The following ANO3 variants were observed in gnomAD, a reference collection of about 807,000 sequenced individuals.
ANO3 encodes anoctamin-3.
In ANO3, 99 loss-of-function variants were observed where a neutral mutation model predicts 144.8. The observed-to-expected ratio is 0.68, with a 90% CI of 0.58 to 0.81. ANO3 has a LOEUF of 0.81. Ranked by LOEUF, ANO3 falls within the 30% of genes least tolerant of loss-of-function variation. ANO3 has a pLI of 0.00. For synonymous variants in ANO3, 414 were observed against 392.6 expected, an observed-to-expected ratio of 1.05 and a Z score of -0.64; for missense variants, 905 against 1,202.2, an observed-to-expected ratio of 0.75 and a Z score of 3.66.
intron 1 of ANO3, among the ~76,000 whole-genome samples, chr11:26,251,206 TC>T (rs1475477423): frequency 6.6e-6 from 1 of 152,184 alleles, no homozygotes; most frequent in African/African-American, 2.4e-5. Flanking sequence ...CACTTTTTTT[TC>T]CATGAAATTT....
chr11:26,417,330 A>C (rs1416569403), intron 1 of ANO3, among the ~76,000 whole-genome samples: 1 of 152,148 alleles, frequency 6.6e-6, no homozygotes, highest in Non-Finnish European at 1.5e-5. Context: ...GACATCTACA[A>C]AATGGAATTT....
intron 1 of ANO3, among the ~76,000 whole-genome samples, chr11:26,417,071 C>T (rs1857611003): frequency 6.6e-6 from 1 of 152,056 alleles, no homozygotes; most frequent in Non-Finnish European, 1.5e-5. Flanking sequence ...CTATTGGATT[C>T]ATTCTCTAGA....
intron 12 of ANO3, 129 bp from the exon 13 acceptor site, chr11:26,553,120 T>A: frequency 3.0e-6 from 2 of 672,422 alleles, no homozygotes; most frequent in South Asian, 3.6e-5. Context: ...CTCCCCACTA[T>A]TCCCATTTCT....
At chr11:26,392,931 C>T (rs1393177145) in intron 1 of ANO3, among the ~76,000 whole-genome samples, 3 of 152,036 alleles carry the variant, frequency 2.0e-5, no homozygotes, top group Non-Finnish European at 4.4e-5. Context: ...ATGGATGGTT[C>T]TGTAATTTAA....
intron 4 of ANO3, among the ~76,000 whole-genome samples, chr11:26,490,915 G>A (rs1354293664): frequency 6.6e-6 from 1 of 152,162 alleles, no homozygotes; most frequent in Non-Finnish European, 1.5e-5. Context: ...GAATCTGTTT[G>A]CTTTTTCATT....
rs563617229 is a variant in ANO3 at position 26,311,932 on chromosome 11, G to A, written c.-3+2213G>A. On this transcript the variant is annotated intron_variant, in intron 1 of 26. Coordinates refer to the ANO3 transcript ENST00000525139. Reference sequence around the variant, plus strand: ...TGTTAAATACGTATACATGTGCCACGTTGGTGTGCTGCACCCATTAACTGG... The same window carrying A: ...TGTTAAATACGTATACATGTGCCACATTGGTGTGCTGCACCCATTAACTGG... 1.1e-4 allele frequency among the ~76,000 whole-genome samples: 17 copies of A among 152,284 alleles called. No homozygotes were observed. The South Asian group carries it at 3.1e-3, about 28-fold the overall frequency.
At position 26,444,206 on chromosome 11, in the gene ANO3, A is replaced by G. The variant is rs374659715; in HGVS notation, c.313+370A>G. 8.7e-4 allele frequency among the ~76,000 whole-genome samples: 133 copies of G among 152,316 alleles called. 1 individual carries two copies. In the South Asian group the frequency reaches 0.027, roughly 31 times the overall value. ...TCCTGGCCCATCATTAGTGGATACT[A>G]TAAATTTTATTTATTTTTCCTATAA... On this transcript the variant is annotated intron_variant, in intron 3 of 26. Transcript: ENST00000256737.
intron 6 of ANO3, among the ~76,000 whole-genome samples, chr11:26,522,384 A>T (rs1231877764): frequency 2.0e-5 from 3 of 152,178 alleles, no homozygotes; most frequent in African/African-American, 7.2e-5. Flanking sequence ...ACTTAGTCCC[A>T]CAGGCATCTC....
chr11:26,525,608 C>T (rs1336488178), intron 6 of ANO3, 27 bp from the exon 7 acceptor site: 3 of 1,597,874 alleles, frequency 1.9e-6, no homozygotes, highest in African/African-American at 2.7e-5. Flanking sequence ...TGTGGCTTTC[C>T]TTAGCTGTTT....
At chr11:26,552,007 T>C (rs1299141387) in intron 12 of ANO3, among the ~76,000 whole-genome samples, 4 of 152,002 alleles carry the variant, frequency 2.6e-5, no homozygotes, top group Non-Finnish European at 4.4e-5. Context: ...CTTTTAGATA[T>C]AGTTGATGGA....
intron 3 of ANO3, among the ~76,000 whole-genome samples, chr11:26,445,038 CAGA>C (rs1280645807): frequency 6.6e-6 from 1 of 151,970 alleles, no homozygotes; most frequent in African/African-American, 2.4e-5. Context: ...TTCTTGAGAC[CAGA>C]AGTATTTCAG....
At chr11:26,558,728 G>T (rs1337988171) in intron 13 of ANO3, among the ~76,000 whole-genome samples, 1 of 151,994 alleles carries the variant, frequency 6.6e-6, no homozygotes, top group Non-Finnish European at 1.5e-5. Context: ...CATATATTTT[G>T]CAGTGTGTTC....
At chr11:26,427,036 G>T (rs1857939560) in intron 1 of ANO3, 1 of 157,276 alleles carries the variant, frequency 6.4e-6, no homozygotes, top group Admixed American at 6.4e-5. Flanking sequence ...ATGGCCCAAA[G>T]GAGCCCTGTG....
chr11:26,467,350 C>A (rs1455003525), intron 4 of ANO3, among the ~76,000 whole-genome samples: 1 of 151,936 alleles, frequency 6.6e-6, no homozygotes, highest in Non-Finnish European at 1.5e-5. Context: ...ACTATAGTCA[C>A]CCTATTGTGC....
At chr11:26,251,233 T>C (rs750599574) in intron 1 of ANO3, among the ~76,000 whole-genome samples, 2 of 152,100 alleles carry the variant, frequency 1.3e-5, no homozygotes, top group Non-Finnish European at 1.5e-5. Context: ...ACAACCCCTA[T>C]GTATATTCAA....
chr11:26,535,221 G>A (rs1849474032), intron 9 of ANO3, among the ~76,000 whole-genome samples: 1 of 152,168 alleles, frequency 6.6e-6, no homozygotes, highest in African/African-American at 2.4e-5. Flanking sequence ...GTTACCTCTG[G>A]AAGGTGAAAT....
chr11:26,447,639 A>G (rs931618239), intron 3 of ANO3, among the ~76,000 whole-genome samples: 2 of 152,228 alleles, frequency 1.3e-5, no homozygotes, highest in African/African-American at 4.8e-5. Flanking sequence ...GATTAGTTAG[A>G]AAGCTAATTG....
chr11:26,615,415 T>TA (rs1491318574), intron 17 of ANO3, among the ~76,000 whole-genome samples: 2,010 of 55,372 alleles, frequency 0.036, 28 homozygotes, highest in African/African-American at 0.062. Context: ...TATATATATA[T>TA]TTTTTTTTTT....
chr11:26,289,579 T>G lies in ANO3; in HGVS notation c.155-20066T>G, dbSNP rs564385935. ...GTGTATATGTACATATACACATATA[T>G]CCTATATGTGTGTATATGTACATAT... On this transcript the variant is annotated intron_variant, in intron 1 of 27. Transcript: ENST00000672621. Among the ~76,000 whole-genome samples, 7 of 115,538 alleles carry G rather than the reference T, an allele frequency of 6.1e-5. 1 individual carries two copies. The highest frequency in any genetic ancestry group is 1.2e-4 in the Non-Finnish European group (7 of 59,152). The allele number at this position is 115,538 out of a possible 152,430, so 75.8% of individuals were successfully genotyped here. A position where few individuals can be genotyped will look rare whatever the true frequency, so the allele number is the denominator to read the frequency against.
Sources: gnomAD v4.1 joint callset for allele counts (sites outside exome capture counted in the v4.1 genomes callset) on GRCh38, gnomAD v4.1.1 for gene constraint, MANE v1.5 for transcripts, NCBI Gene and HGNC (gene_info 2026-07-23, HGNC 2026-07-21) for gene names.